The following RAPGEF4 variants were observed in gnomAD, a reference collection of about 807,000 sequenced individuals.
The protein encoded by RAPGEF4 is Rap guanine nucleotide exchange factor 4.
A neutral mutation model predicts 147.9 loss-of-function variants in RAPGEF4; 66 were observed. That is an observed-to-expected ratio of 0.45 (90% CI 0.37 to 0.55). The LOEUF (loss-of-function observed/expected upper bound fraction) is 0.55, where lower values mean the gene tolerates loss of function less well. Ranked by LOEUF, RAPGEF4 falls within the 20% of genes least tolerant of loss-of-function variation. The probability of loss-of-function intolerance (pLI) is 0.00; values close to 1 mark genes in which losing one functional copy is unlikely to be tolerated. For missense variants in RAPGEF4, 1,071 were observed against 1,257.3 expected, an observed-to-expected ratio of 0.85 and a Z score of 2.24; for synonymous variants, 419 against 442.7, an observed-to-expected ratio of 0.95 and a Z score of 0.67.
intron 6 of RAPGEF4, among the ~76,000 whole-genome samples, chr2:172,944,685 T>A (rs1459031567): frequency 6.6e-6 from 1 of 152,216 alleles, no homozygotes; most frequent in African/African-American, 2.4e-5. Flanking sequence ...CTGTTGTAGC[T>A]GTGTCATCTT....
At chr2:172,821,796 C>G (rs1301859480) in intron 4 of RAPGEF4, 36 of 1,209,012 alleles carry the variant, frequency 3.0e-5, no homozygotes, top group Non-Finnish European at 3.3e-5. Context: ...ACTGCCTGAG[C>G]TTTCCTGGAG....
At chr2:172,814,805 T>C in intron 4 of RAPGEF4, 1 of 291,992 alleles carries the variant, frequency 3.4e-6, no homozygotes, top group South Asian at 3.6e-5. Context: ...CCTGGGAAAG[T>C]GGAATGAATG....
chr2:172,821,584 A>T, intron 4 of RAPGEF4: 1 of 991,436 alleles, frequency 1.0e-6, no homozygotes, highest in Non-Finnish European at 1.2e-6. Context: ...CACAGTTCTG[A>T]TTCTTTTAAA....
chr2:172,861,725 C>A (rs1694071205), intron 4 of RAPGEF4, among the ~76,000 whole-genome samples: 1 of 152,228 alleles, frequency 6.6e-6, no homozygotes, highest in African/African-American at 2.4e-5. Context: ...CATGAGCATT[C>A]ATTTCTGAAA....
intron 4 of RAPGEF4, among the ~76,000 whole-genome samples, chr2:172,839,954 A>G (rs1691401871): frequency 6.6e-6 from 1 of 152,248 alleles, no homozygotes; most frequent in South Asian, 2.1e-4. Context: ...TAAGAGGAAC[A>G]TGTATGGGTC....
intron 29 of RAPGEF4, among the ~76,000 whole-genome samples, chr2:173,040,079 T>G (rs1441853166): frequency 6.6e-6 from 1 of 151,806 alleles, no homozygotes; most frequent in African/African-American, 2.4e-5. Flanking sequence ...TCCCAGCTAC[T>G]TGGGAGGCTG....
intron 1 of RAPGEF4, among the ~76,000 whole-genome samples, chr2:172,755,065 T>A (rs185792978): frequency 2.6e-5 from 4 of 152,064 alleles, no homozygotes; most frequent in Non-Finnish European, 5.9e-5. Flanking sequence ...CTCTTATCTC[T>A]GGACATCACC....
At chr2:172,973,351 G>A (rs1292042072) in intron 10 of RAPGEF4, among the ~76,000 whole-genome samples, 13 of 151,948 alleles carry the variant, frequency 8.6e-5, no homozygotes, top group Non-Finnish European at 1.6e-4. Context: ...AGACTCAAGC[G>A]ATCCTCCCAC....
At chr2:172,890,816 A>G (rs1697816134) in intron 4 of RAPGEF4, among the ~76,000 whole-genome samples, 1 of 152,226 alleles carries the variant, frequency 6.6e-6, no homozygotes, top group Non-Finnish European at 1.5e-5. Flanking sequence ...CAAAATGAAA[A>G]CATGGGGACT....
chr2:172,811,849 T>A (rs1688054706), intron 3 of RAPGEF4, among the ~76,000 whole-genome samples: 1 of 152,216 alleles, frequency 6.6e-6, no homozygotes, highest in African/African-American at 2.4e-5. Context: ...GATGTCAATT[T>A]CTTTATTTGA....
intron 4 of RAPGEF4, among the ~76,000 whole-genome samples, chr2:172,910,697 G>A (rs764746854): frequency 6.6e-6 from 1 of 152,196 alleles, no homozygotes; most frequent in African/African-American, 2.4e-5. Context: ...AGAGCACTTC[G>A]GTGTGGTCTC....
chr2:173,037,256 G>A (rs190373151), intron 29 of RAPGEF4, among the ~76,000 whole-genome samples: 1 of 151,230 alleles, frequency 6.6e-6, no homozygotes, highest in Admixed American at 6.6e-5. Context: ...GTCTCTCATT[G>A]TCACCCTGGC....
At chr2:172,974,946 G>A (rs144275485) in intron 10 of RAPGEF4, among the ~76,000 whole-genome samples, 3 of 152,156 alleles carry the variant, frequency 2.0e-5, no homozygotes, top group African/African-American at 2.4e-5. Flanking sequence ...AGAATCCAAC[G>A]GGCCATATGG....
chr2:172,825,744 AAAC>A (rs1210903136), intron 4 of RAPGEF4, among the ~76,000 whole-genome samples: 11 of 152,186 alleles, frequency 7.2e-5, no homozygotes, highest in Non-Finnish European at 1.6e-4. Context: ...AATCCACCAT[AAAC>A]CTGGCTATAT....
At chr2:172,876,173 A>T (rs1288350976) in intron 4 of RAPGEF4, among the ~76,000 whole-genome samples, 2 of 152,194 alleles carry the variant, frequency 1.3e-5, no homozygotes, top group Non-Finnish European at 2.9e-5. Context: ...TTTTCTAAAT[A>T]TACAATCAAG....
intron 10 of RAPGEF4, among the ~76,000 whole-genome samples, chr2:172,977,213 C>T (rs1478373405): frequency 6.6e-6 from 1 of 152,176 alleles, no homozygotes; most frequent in Non-Finnish European, 1.5e-5. Context: ...GCCAGATTGC[C>T]TTCAGTCCTT....
intron 6 of RAPGEF4, among the ~76,000 whole-genome samples, chr2:172,923,937 A>G (rs1575255918): frequency 6.6e-6 from 1 of 152,204 alleles, no homozygotes; most frequent in Non-Finnish European, 1.5e-5. Flanking sequence ...CCCCTTCTTC[A>G]GTGAACCTTG....
At chr2:172,899,402 T>C (rs917221016) in intron 4 of RAPGEF4, among the ~76,000 whole-genome samples, 1 of 152,214 alleles carries the variant, frequency 6.6e-6, no homozygotes, top group Non-Finnish European at 1.5e-5. Context: ...TGTTTTAGTG[T>C]GTGATCAAAG....
intron 16 of RAPGEF4, 61 bp downstream of exon 16, chr2:172,996,615 C>T: frequency 1.7e-6 from 2 of 1,168,668 alleles, no homozygotes; most frequent in East Asian, 5.3e-5. Flanking sequence ...TTTAAAAGTC[C>T]TGAATTCATT....
Sources: gnomAD v4.1 joint callset for allele counts (sites outside exome capture counted in the v4.1 genomes callset) on GRCh38, gnomAD v4.1.1 for gene constraint, MANE v1.5 for transcripts, NCBI Gene and HGNC (gene_info 2026-07-23, HGNC 2026-07-21) for gene names.